The following FRMD4A variants were observed in gnomAD, a reference collection of about 807,000 sequenced individuals.
The protein encoded by FRMD4A is FERM domain containing 4A.
In FRMD4A, 29 loss-of-function variants were observed where a neutral mutation model predicts 129.1. The observed-to-expected ratio is 0.22, with a 90% CI of 0.17 to 0.31. FRMD4A has a LOEUF of 0.31. FRMD4A is among the 10% of genes least tolerant of loss of function. The probability of loss-of-function intolerance (pLI) is 1.00; values close to 1 mark genes in which losing one functional copy is unlikely to be tolerated. For synonymous variants in FRMD4A, 634 were observed against 571.6 expected (o/e 1.11, Z -1.56); for missense variants, 1,272 against 1,375.8 (o/e 0.92, Z 1.19).
chr10:14,018,537 A>C (rs1487337732), intron 2 of FRMD4A, among the ~76,000 whole-genome samples: 1 of 151,550 alleles, frequency 6.6e-6, no homozygotes, highest in Non-Finnish European at 1.5e-5. Flanking sequence ...TTTAGATCTC[A>C]TTCCATGAGC....
chr10:13,927,115 G>C (rs2095141921), intron 2 of FRMD4A, among the ~76,000 whole-genome samples: 1 of 152,120 alleles, frequency 6.6e-6, no homozygotes, highest in African/African-American at 2.4e-5. Flanking sequence ...AAATTAGCTG[G>C]GCGTGGTGGC....
intron 2 of FRMD4A, among the ~76,000 whole-genome samples, chr10:13,886,841 A>G (rs2094628419): frequency 6.6e-6 from 1 of 152,226 alleles, no homozygotes; most frequent in Non-Finnish European, 1.5e-5. Context: ...GGGTCCGGGG[A>G]GTGCTCAACA....
chr10:14,092,884 C>T (rs978003473), intron 2 of FRMD4A, among the ~76,000 whole-genome samples: 4 of 152,156 alleles, frequency 2.6e-5, no homozygotes, highest in African/African-American at 9.7e-5. Flanking sequence ...GGACTCAGGC[C>T]TAGGGGACAG....
intron 22 of FRMD4A, chr10:13,655,277 A>T (rs1375264222): frequency 2.6e-5 from 4 of 152,228 alleles, no homozygotes; most frequent in Non-Finnish European, 5.9e-5. Context: ...TCATCTCTTT[A>T]CATAAAGCAA....
At chr10:13,779,346 C>T (rs2092682280) in intron 6 of FRMD4A, among the ~76,000 whole-genome samples, 1 of 151,722 alleles carries the variant, frequency 6.6e-6, no homozygotes, top group Non-Finnish European at 1.5e-5. Flanking sequence ...CTTATTTAAT[C>T]TTCCATCAAT....
At chr10:13,993,100 T>A (rs570659586) in intron 2 of FRMD4A, among the ~76,000 whole-genome samples, 2 of 152,296 alleles carry the variant, frequency 1.3e-5, no homozygotes, top group Non-Finnish European at 2.9e-5. Flanking sequence ...GAATTCAAAG[T>A]TGCCTTATCC....
intron 2 of FRMD4A, among the ~76,000 whole-genome samples, chr10:13,964,986 C>G (rs1468584996): frequency 6.6e-6 from 1 of 151,914 alleles, no homozygotes; most frequent in Non-Finnish European, 1.5e-5. Flanking sequence ...GCCTGGCCAA[C>G]TAATGCCTCT....
At chr10:14,085,987 G>T (rs1034486245) in intron 2 of FRMD4A, among the ~76,000 whole-genome samples, 1 of 151,924 alleles carries the variant, frequency 6.6e-6, no homozygotes, top group Non-Finnish European at 1.5e-5. Context: ...TAATACGAGC[G>T]CCAGTAAATA....
At chr10:13,871,940 G>C (rs2094443498) in intron 2 of FRMD4A, among the ~76,000 whole-genome samples, 1 of 152,228 alleles carries the variant, frequency 6.6e-6, no homozygotes, top group African/African-American at 2.4e-5. Context: ...CCGGGGCTGT[G>C]GCTTATCCTG....
chr10:14,231,336 T>C (rs1289144957), intron 2 of FRMD4A, among the ~76,000 whole-genome samples: 2 of 151,524 alleles, frequency 1.3e-5, no homozygotes, highest in African/African-American at 2.4e-5. Flanking sequence ...TGAGATGATA[T>C]CTCATTGTGG....
At chr10:13,859,065 GTTCA>G (rs1222551041) in intron 2 of FRMD4A, among the ~76,000 whole-genome samples, 153 bp from the exon 3 acceptor site, 1 of 152,172 alleles carries the variant, frequency 6.6e-6, no homozygotes, top group Non-Finnish European at 1.5e-5. Flanking sequence ...GGAAGGATCA[GTTCA>G]TTCATTCATT....
rs768344802 is a variant in FRMD4A at position 13,660,479 on chromosome 10, G to C, written c.1735C>G (p.His579Asp). ...HKGLPPRPPS[H>D]NRPPPPQSLE... ...GACTGGGGAGGAGGAGGCCTGTTGT[G>C]CGACGGTGGCCGAGGAGGGAGTCCC... The change falls in exon 20 of 25, where the codon CAC (histidine) becomes GAC (aspartate). Residue 579 changes from histidine to aspartate, a missense_variant. Physicochemically the swap from His to Asp is moderately conservative, Grantham distance 81. Transcript: ENST00000357447. 6.2e-7 allele frequency: 1 copy of C among 1,614,128 alleles called. No homozygotes were observed. Among genetic ancestry groups the C allele is most frequent in the South Asian group, 1.1e-5 (1 of 91,078 alleles).
rs1554898673 is a variant in FRMD4A at position 13,789,777 on chromosome 10, G to GTGTGTGTC, written c.299+6718_299+6719insGACACACA. Among the ~76,000 whole-genome samples the GTGTGTGTC allele has an allele frequency of 3.1e-3, 468 of 149,492 alleles. 7 individuals carry two copies. Among genetic ancestry groups the GTGTGTGTC allele is most frequent in the African/African-American group, 0.011 (446 of 40,056 alleles). On this transcript the variant is annotated intron_variant, in intron 5 of 24. Coordinates refer to ENST00000357447, the MANE Select transcript of FRMD4A (RefSeq NM_018027.5). Reference sequence around the variant, plus strand: ...GCTGCTGGCTGCTTATAATGTGTGTGTGTGTGTGTGTGTGTGTGTGTGTGT... The same window carrying GTGTGTGTC: ...GCTGCTGGCTGCTTATAATGTGTGTGTGTGTGTCTGTGTGTGTGTGTGTGTGTGTGTGT...
rs568006963 is a variant in FRMD4A, at chr10:14,102,929, C to T, written c.45+227129G>A. Among the ~76,000 whole-genome samples the T allele has an allele frequency of 3.3e-4, 50 of 152,274 alleles. No individual in the cohort carries two copies. The South Asian group carries it at 9.5e-3, about 29-fold the overall frequency. On this transcript the variant is annotated intron_variant, in intron 2 of 24. Coordinates refer to ENST00000357447, the MANE Select transcript of FRMD4A (RefSeq NM_018027.5). ...TCAGTTATATCTGGCACAGTGATTA[C>T]GTGCATGGGAGGTTTCATGTGGGGC... is the stretch of plus-strand genomic sequence containing the variant.
At chr10:13,669,780 G>GT (rs1358859167) in intron 17 of FRMD4A, among the ~76,000 whole-genome samples, 1 of 152,102 alleles carries the variant, frequency 6.6e-6, no homozygotes, top group Non-Finnish European at 1.5e-5. Context: ...GGTTTTGTTT[G>GT]TTTGTTTGTT....
At chr10:13,740,113 A>C in intron 11 of FRMD4A, 81 bp downstream of exon 11, 1 of 862,126 alleles carries the variant, frequency 1.2e-6, no homozygotes, top group Non-Finnish European at 2.0e-6. Context: ...GAAAAAGAAA[A>C]AGAAGAAAAC....
At chr10:13,996,986 GCAAAACAAAA>G (rs55648919) in intron 2 of FRMD4A, among the ~76,000 whole-genome samples, 3,083 of 149,614 alleles carry the variant, frequency 0.021, 120 homozygotes, top group African/African-American at 0.071. Flanking sequence ...AAAAATTGAG[GCAAAACAAAA>G]CAAAACAAAA....
At chr10:14,317,687 G>A (rs1009816018) in intron 2 of FRMD4A, among the ~76,000 whole-genome samples, 3 of 145,472 alleles carry the variant, frequency 2.1e-5, no homozygotes, top group African/African-American at 7.8e-5. Flanking sequence ...AATAGGAAGG[G>A]AACAGGAAGG....
chr10:13,657,144 G>T lies in FRMD4A; in HGVS notation c.2445C>A (p.Gly815=), dbSNP rs763957448. ...TGTGCAGGTACACACCGCCCCCCGC[G>T]CCCCCCGCGCCCCCCGCACCCCCGC... The part of the protein sequence containing the change: ...AARGGAGGAG[G]AGGGVYLHSQ... Residue 815 remains glycine, a synonymous_variant, in exon 22 of 25, where the codon GGC becomes GGA. Transcript: ENST00000357447. 23 of 1,380,916 alleles carry T rather than the reference G, an allele frequency of 1.7e-5. No individual in the cohort carries two copies. The highest frequency in any genetic ancestry group is 2.1e-5 in the Non-Finnish European group (22 of 1,039,226). 85.5% of individuals were successfully genotyped at this position (1,380,916 alleles called of 1,614,324 possible). A position where few individuals can be genotyped will look rare whatever the true frequency, so the allele number is the denominator to read the frequency against.
Sources: gnomAD v4.1 joint callset for allele counts (sites outside exome capture counted in the v4.1 genomes callset) on GRCh38, gnomAD v4.1.1 for gene constraint, MANE v1.5 for transcripts, NCBI Gene and HGNC (gene_info 2026-07-23, HGNC 2026-07-21) for gene names.